The following ABI3BP variants were observed in gnomAD, a reference collection of about 807,000 sequenced individuals.
The protein encoded by ABI3BP is target of Nesh-SH3.
Under a neutral mutation model 268.6 loss-of-function variants are expected in ABI3BP, and 216 were observed. The ratio of observed to expected loss-of-function variants is 0.80; its 90% CI spans 0.72 to 0.90. The LOEUF is 0.90. Among genes scored for constraint, ABI3BP ranks in the 40% least tolerant of loss-of-function variants. The pLI, the probability that ABI3BP is intolerant of heterozygous loss-of-function variation, is 0.00. For synonymous variants in ABI3BP, 730 were observed against 730.0 expected, an observed-to-expected ratio of 1.00 and a Z score of 0.00; for missense variants, 2,090 against 2,182.4, an observed-to-expected ratio of 0.96 and a Z score of 0.84.
At chr3:100,940,746 T>C (rs2068612376) in intron 1 of ABI3BP, among the ~76,000 whole-genome samples, 2 of 125,624 alleles carry the variant, frequency 1.6e-5, no homozygotes, top group Admixed American at 1.8e-4. Context: ...ACAAACACTT[T>C]GGACATGGTA....
At chr3:100,846,886 A>G (rs963534455) in intron 19 of ABI3BP, among the ~76,000 whole-genome samples, 4 of 152,186 alleles carry the variant, frequency 2.6e-5, no homozygotes, top group African/African-American at 9.7e-5. Flanking sequence ...GGTTTGTTAT[A>G]TAGGTAAACT....
intron 1 of ABI3BP, among the ~76,000 whole-genome samples, chr3:100,972,765 A>C (rs561021061): frequency 6.6e-6 from 1 of 152,346 alleles, no homozygotes; most frequent in Admixed American, 6.5e-5. Context: ...ATCCTACGGA[A>C]CAGAAGTAGC....
At chr3:100,984,268 A>G (rs2090851809) in intron 1 of ABI3BP, among the ~76,000 whole-genome samples, 1 of 152,208 alleles carries the variant, frequency 6.6e-6, no homozygotes, top group South Asian at 2.1e-4. Context: ...ATATTGGGCT[A>G]TAGCCTGTAT....
chr3:100,980,719 A>G (rs2088924012), intron 1 of ABI3BP, among the ~76,000 whole-genome samples: 2 of 152,230 alleles, frequency 1.3e-5, no homozygotes. Flanking sequence ...TTGAAATAGT[A>G]TTAAATGCCT....
At chr3:100,950,727 T>G (rs2074590263) in intron 1 of ABI3BP, among the ~76,000 whole-genome samples, 1 of 152,010 alleles carries the variant, frequency 6.6e-6, no homozygotes, top group Admixed American at 6.6e-5. Context: ...TACAAATATC[T>G]AATGGCATTT....
intron 1 of ABI3BP, among the ~76,000 whole-genome samples, chr3:100,966,338 G>T (rs2081293566): frequency 6.6e-6 from 1 of 152,182 alleles, no homozygotes; most frequent in Non-Finnish European, 1.5e-5. Context: ...TGAAGTGAAG[G>T]AAGTGAGGCA....
intron 33 of ABI3BP, 43 bp downstream of exon 33, chr3:100,829,538 G>A (rs1438141129): frequency 2.0e-6 from 3 of 1,480,920 alleles, no homozygotes; most frequent in Non-Finnish European, 2.7e-6. Flanking sequence ...GGTCCCACTG[G>A]GGTGGGCTGT....
chr3:100,837,041 G>C (rs2098604128), intron 27 of ABI3BP, 83 bp downstream of exon 27: 1 of 1,271,728 alleles, frequency 7.9e-7, no homozygotes, highest in East Asian at 2.6e-5. Context: ...AATGACAATT[G>C]TGCATATTAT....
In ABI3BP at chr3:100,880,601, G is replaced by T. The variant is rs375849705; in HGVS notation, c.697-4041C>A. Among the ~76,000 whole-genome samples the T allele has an allele frequency of 1.1e-4, 17 of 152,116 alleles. 1 individual carries two copies. The highest frequency in any genetic ancestry group is 8.5e-4 in the Admixed American group (13 of 15,266). On this transcript the variant is annotated intron_variant, in intron 6 of 67. Coordinates refer to ENST00000471714, the MANE Select transcript of ABI3BP (RefSeq NM_001375547.2). The stretch of plus-strand genomic sequence containing the variant: ...CATGCAGTTGGTGACACTCAATAAG[G>T]AGAGACTACTAGAGTCTAAAGGGTG...
In ABI3BP at chr3:100,865,499, C is replaced by T. The variant is rs77068359; in HGVS notation, c.989-592G>A. Among the ~76,000 whole-genome samples the T allele has an allele frequency of 3.8e-3, 580 of 152,198 alleles. 23 individuals carry two copies. In the East Asian group the frequency reaches 0.098, roughly 26 times the overall value. On this transcript the variant is annotated intron_variant, in intron 10 of 67. Coordinates refer to ENST00000471714, the MANE Select transcript of ABI3BP (RefSeq NM_001375547.2). ...ATGCTAGATTAAAGGTAATAAAAAGCTCAATTAAAAAGCTCACACTCCTTC... is the reference window on the plus strand; with the variant it reads ...ATGCTAGATTAAAGGTAATAAAAAGTTCAATTAAAAAGCTCACACTCCTTC...
intron 6 of ABI3BP, among the ~76,000 whole-genome samples, chr3:100,878,915 C>A (rs1019292053): frequency 6.6e-6 from 1 of 152,134 alleles, no homozygotes; most frequent in Admixed American, 6.5e-5. Flanking sequence ...ATAATTGTAT[C>A]TATTTCTGGG....
At chr3:100,853,660 C>G (rs755985529) in intron 14 of ABI3BP, among the ~76,000 whole-genome samples, 4 of 152,168 alleles carry the variant, frequency 2.6e-5, no homozygotes, top group South Asian at 2.1e-4. Flanking sequence ...TTTATTCACT[C>G]TTTTTACCTA....
At chr3:100,756,364 A>C (rs897965145) in intron 63 of ABI3BP, among the ~76,000 whole-genome samples, 1 of 152,228 alleles carries the variant, frequency 6.6e-6, no homozygotes, top group Non-Finnish European at 1.5e-5. Flanking sequence ...GTCTCTACTA[A>C]AAATACAAAA....
chr3:100,804,958 A>G (rs2097660572), intron 50 of ABI3BP, 92 bp from the exon 51 acceptor site: 2 of 1,009,126 alleles, frequency 2.0e-6, no homozygotes, highest in Non-Finnish European at 1.6e-6. Context: ...TAGCCTGAAC[A>G]CTGATAAAAC....
chr3:100,868,290 C>T (rs1455253386), intron 9 of ABI3BP, among the ~76,000 whole-genome samples: 1 of 152,178 alleles, frequency 6.6e-6, no homozygotes, highest in African/African-American at 2.4e-5. Context: ...GGCTTCTACC[C>T]ATTGGATTCC....
intron 2 of ABI3BP, among the ~76,000 whole-genome samples, chr3:100,915,466 T>C (rs577193383): frequency 6.6e-6 from 1 of 152,220 alleles, no homozygotes; most frequent in African/African-American, 2.4e-5. Context: ...CCCAAGTCCC[T>C]GCTGGAGGTG....
At chr3:100,986,736 G>A (rs893028413) in intron 1 of ABI3BP, among the ~76,000 whole-genome samples, 1 of 151,980 alleles carries the variant, frequency 6.6e-6, no homozygotes, top group East Asian at 1.9e-4. Flanking sequence ...CAAAGTGCTG[G>A]GATTACACTA....
intron 29 of ABI3BP, 107 bp downstream of exon 29, chr3:100,834,577 G>C: frequency 1.0e-6 from 1 of 1,001,700 alleles, no homozygotes; most frequent in Admixed American, 2.1e-5. Context: ...CATGACTTGG[G>C]CCTTCACCCC....
At chr3:100,879,481 C>T (rs578130054) in intron 6 of ABI3BP, among the ~76,000 whole-genome samples, 1 of 152,300 alleles carries the variant, frequency 6.6e-6, no homozygotes, top group East Asian at 1.9e-4. Context: ...AGCAGAAAAG[C>T]CTACATGTTG....
Sources: gnomAD v4.1 joint callset for allele counts (sites outside exome capture counted in the v4.1 genomes callset) on GRCh38, gnomAD v4.1.1 for gene constraint, MANE v1.5 for transcripts, NCBI Gene and HGNC (gene_info 2026-07-23, HGNC 2026-07-21) for gene names.